ARHGAP9: variants seen among roughly 807,000 people sequenced by gnomAD.
The protein encoded by ARHGAP9 is rho GTPase-activating protein 9.
ARHGAP9 carries 76 observed loss-of-function variants against 87.3 expected under a neutral mutation model. That is an observed-to-expected ratio of 0.87 (90% confidence interval 0.72 to 1.05). ARHGAP9 has a LOEUF of 1.05. Ranked by LOEUF, ARHGAP9 falls within the 50% of genes least tolerant of loss-of-function variation. The pLI is 0.00. For missense variants in ARHGAP9, 941 were observed against 960.5 expected, an observed-to-expected ratio of 0.98 and a Z score of 0.27; for synonymous variants, 382 against 394.9, an observed-to-expected ratio of 0.97 and a Z score of 0.39.
In ARHGAP9 at chr12:57,475,396, G is replaced by C. The variant is rs770721166; in HGVS notation, c.1447C>G (p.Arg483Gly). The change falls in exon 12 of 18, where the codon CGG (arginine) becomes GGG (glycine). Residue 483 changes from arginine (R) to glycine (G), a missense_variant and splice_region_variant. Coordinates refer to ENST00000393791, the MANE Select transcript of ARHGAP9 (RefSeq NM_032496.4). ...TTCTGCTCGGTGCCTTCGGGCCCCC[G>C]AACTGCAGGAGGCAGGTAGAGCGGG... ...LRLSSRRSSIRGPEGTEQNRV... is the reference protein window; with the variant it reads ...LRLSSRRSSIGGPEGTEQNRV... The C allele has an allele frequency of 1.3e-6, 2 of 1,592,504 alleles. No individual in the cohort carries two copies. The highest frequency in any genetic ancestry group is 2.7e-5 in the African/African-American group (2 of 74,636).
At chr12:57,474,817 A>C in intron 13 of ARHGAP9, 58 bp downstream of exon 13, 1 of 1,609,118 alleles carries the variant, frequency 6.2e-7, no homozygotes, top group South Asian at 1.1e-5. Context: ...TGGGGGAGGC[A>C]GAAAATTCTA....
rs1244673056 is a variant in ARHGAP9 at position 57,477,148 on chromosome 12, G to A, written c.870+8C>T. 1 of 1,612,934 alleles carries A rather than the reference G, an allele frequency of 6.2e-7. No individual in the cohort carries two copies. The highest frequency in any genetic ancestry group is 1.7e-5 in the Admixed American group (1 of 59,980). ...CTGCATGTGACTGGGAGATGGGAGG[G>A]ATCTCACCTGTGGGTCAAGCGGTTC... On this transcript the variant is annotated splice_region_variant and intron_variant, in intron 5 of 17. Coordinates refer to ENST00000393791, the MANE Select transcript of ARHGAP9 (RefSeq NM_032496.4).
Position 57,476,556 on chromosome 12 carries a change from C to T in ARHGAP9, c.1025+34G>A, listed in dbSNP as rs780727242. The T allele has an allele frequency of 3.7e-6, 6 of 1,613,808 alleles. No homozygotes were observed. In the South Asian group the frequency reaches 6.6e-5, roughly 18 times the overall value. ...ACCCTGCTCTACCCTATGGAGTTGA[C>T]AGCCCAGGCCCTAGCTGTATTCTGG... On this transcript the variant is annotated intron_variant, in intron 7 of 17. Coordinates refer to ENST00000393791, the MANE Select transcript of ARHGAP9 (RefSeq NM_032496.4).
chr12:57,484,984 C>T (rs183295168), intron 1 of ARHGAP9, among the ~76,000 whole-genome samples: 7 of 148,580 alleles, frequency 4.7e-5, no homozygotes, highest in African/African-American at 1.2e-4. Flanking sequence ...CTGGCTCTGT[C>T]GTCCAGGCTG....
chr12:57,477,145 A>G lies in ARHGAP9; in HGVS notation c.870+11T>C. ...TTTCTGCATGTGACTGGGAGATGGG[A>G]GGGATCTCACCTGTGGGTCAAGCGG... is the stretch of plus-strand genomic sequence containing the variant. On this transcript the variant is annotated intron_variant, in intron 5 of 17. Transcript: ENST00000393791. 2.5e-6 allele frequency: 4 copies of G among 1,612,868 alleles called. No individual in the cohort carries two copies. Among genetic ancestry groups the G allele is most frequent in the Non-Finnish European group, 3.4e-6 (4 of 1,179,044 alleles).
upstream of ARHGAP9, among the ~76,000 whole-genome samples, chr12:57,482,159 A>G (rs1875058775): frequency 6.6e-6 from 1 of 152,168 alleles, no homozygotes; most frequent in African/African-American, 2.4e-5. Flanking sequence ...CTATAATCCC[A>G]GCACTTTGGG....
At chr12:57,485,679 C>T (rs996747465) in intron 1 of ARHGAP9, among the ~76,000 whole-genome samples, 4 of 152,000 alleles carry the variant, frequency 2.6e-5, no homozygotes, top group Non-Finnish European at 5.9e-5. Context: ...TGGGCCTGGC[C>T]TAGTTTTTTG....
At position 57,475,497 on chromosome 12, in the gene ARHGAP9, C is replaced by G; in HGVS notation, c.1430G>C (p.Ser477Thr). ...LVSKPLLRLS[S>T]RRSSIRGPEG... ...CCGCGCCTCACTGGAGCTCCGGCGG[C>G]TGCTGAGGCGCAGCAGCGGCTTGGA... is the stretch of plus-strand genomic sequence containing the variant. Residue 477 changes from serine to threonine, a missense_variant, in exon 11 of 18, where the codon AGC becomes ACC. By Grantham distance (58) the Ser-to-Thr change is moderately conservative. Coordinates refer to ENST00000393791, the MANE Select transcript of ARHGAP9 (RefSeq NM_032496.4). The G allele has an allele frequency of 1.2e-6, 2 of 1,604,162 alleles. No individual in the cohort carries two copies. The highest frequency in any genetic ancestry group is 4.5e-5 in the East Asian group (2 of 44,506).
intron 1 of ARHGAP9, chr12:57,488,606 G>C: frequency 6.4e-7 from 1 of 1,551,022 alleles, no homozygotes; most frequent in Non-Finnish European, 8.7e-7. Context: ...GTTCCTTTCT[G>C]TTTACCTCTT....
At position 57,477,402 on chromosome 12, in the gene ARHGAP9, C is replaced by T. The variant is rs1018834538; in HGVS notation, c.756+57G>A. On this transcript the variant is annotated intron_variant, in intron 4 of 17. Transcript: ENST00000393791. ...AGAGAAAACACACTACCTTGAGGTT[C>T]ATCAGGGGAAGGAAGAGCTTGAGGG... 1.6e-5 allele frequency: 25 copies of T among 1,583,080 alleles called. No homozygotes were observed. The African/African-American group carries it at 2.7e-4, about 17-fold the overall frequency.
chr12:57,477,987 A>AG (rs557681275), intron 3 of ARHGAP9: 6 of 1,207,240 alleles, frequency 5.0e-6, no homozygotes, highest in Non-Finnish European at 6.3e-6. Context: ...GGAATGTTGA[A>AG]GGGGGTGCCC....
chr12:57,488,583 AACAC>A (rs759654369), intron 1 of ARHGAP9: 1 of 1,549,692 alleles, frequency 6.5e-7, no homozygotes, highest in Non-Finnish European at 8.7e-7. Flanking sequence ...CTCCCCTCCT[AACAC>A]ACACACACGT....
At chr12:57,476,701 T>C in intron 6 of ARHGAP9, 50 bp from the exon 7 acceptor site, 3 of 1,610,110 alleles carry the variant, frequency 1.9e-6, no homozygotes, top group Non-Finnish European at 2.5e-6. Context: ...CCCTCCATAG[T>C]GGCCACGGCT....
chr12:57,476,094 A>G lies in ARHGAP9; in HGVS notation c.1189T>C (p.Ser397Pro), dbSNP rs1441943034. The G allele has an allele frequency of 2.6e-6, 4 of 1,538,218 alleles. No homozygotes were observed. The South Asian group carries it at 3.6e-5, about 14-fold the overall frequency. Residue 397 changes from serine (S) to proline (P), a missense_variant, in exon 9 of 18, where the codon TCC becomes CCC. Coordinates refer to ENST00000393791, the MANE Select transcript of ARHGAP9 (RefSeq NM_032496.4). ...GAALAHGRHL[S>P]SRRNVLHIRT... is the part of the protein sequence containing the mutation. The stretch of plus-strand genomic sequence containing the variant: ...ACGTGCAGGACGTTGCGGCGGCTGG[A>G]CAGGTGGCGGCCGTGCGCCAGGGCC...
Position 57,476,880 on chromosome 12 carries a change from G to T in ARHGAP9, c.954C>A (p.Asp318Glu), listed in dbSNP as rs138232082. 941 of 1,613,862 alleles carry T rather than the reference G, an allele frequency of 5.8e-4. 13 individuals carry two copies. In the East Asian group the frequency reaches 0.021, roughly 35 times the overall value. ...QAPRPLPQLL[D>E]DPHEVEKSGL... ...GAAATGGGAGATTCACATGGGGGTCGTCCAGGAGCTGCGGCAGAGGTCGAG... is the reference window on the plus strand; with the variant it reads ...GAAATGGGAGATTCACATGGGGGTCTTCCAGGAGCTGCGGCAGAGGTCGAG... The change falls in exon 6 of 18, where the codon GAC becomes GAA. Residue 318 changes from aspartate to glutamate, a missense_variant. Coordinates refer to ENST00000393791, the MANE Select transcript of ARHGAP9 (RefSeq NM_032496.4).
chr12:57,481,428 T>C (rs1310896193), upstream of ARHGAP9, among the ~76,000 whole-genome samples: 1 of 152,114 alleles, frequency 6.6e-6, no homozygotes, highest in Admixed American at 6.6e-5. Context: ...TTTTTTTGTA[T>C]TTTTAGTACA....
intron 1 of ARHGAP9, among the ~76,000 whole-genome samples, chr12:57,487,065 T>C (rs537614399): frequency 6.6e-6 from 1 of 151,800 alleles, no homozygotes; most frequent in East Asian, 2.0e-4. Context: ...CAACCTCCGC[T>C]TCCCGGGTTC....
At chr12:57,477,994 G>A in intron 3 of ARHGAP9, 1 of 1,189,582 alleles carries the variant, frequency 8.4e-7, no homozygotes, top group Non-Finnish European at 1.1e-6. Flanking sequence ...TGAAGGGGGT[G>A]CCCCACCCTC....
chr12:57,473,782 C>A, intron 16 of ARHGAP9, 74 bp from the exon 17 acceptor site: 1 of 1,360,732 alleles, frequency 7.3e-7, no homozygotes, highest in South Asian at 1.2e-5. Context: ...AAATGCACTG[C>A]TCTTTCCCAC....
Sources: gnomAD v4.1 joint callset for allele counts (sites outside exome capture counted in the v4.1 genomes callset) on GRCh38, gnomAD v4.1.1 for gene constraint, MANE v1.5 for transcripts, NCBI Gene and HGNC (gene_info 2026-07-23, HGNC 2026-07-21) for gene names.